Variants in NEK9 observed in about 807,000 individuals in gnomAD.
NEK9 encodes the protein serine/threonine-protein kinase Nek9.
Under a neutral mutation model 123.4 loss-of-function variants are expected in NEK9, and 75 were observed. The ratio of observed to expected loss-of-function variants is 0.61; its 90% CI spans 0.50 to 0.74. The LOEUF (loss-of-function observed/expected upper bound fraction) is 0.74, where lower values mean the gene tolerates loss of function less well. NEK9 is among the 30% of genes least tolerant of loss of function. NEK9 has a pLI of 0.00. For synonymous variants in NEK9, 438 were observed against 458.7 expected, an observed-to-expected ratio of 0.95 and a Z score of 0.58; for missense variants, 952 against 1,214.4, an observed-to-expected ratio of 0.78 and a Z score of 3.21.
chr14:75,102,614 A>T (rs1894624179), intron 14 of NEK9, among the ~76,000 whole-genome samples: 1 of 152,098 alleles, frequency 6.6e-6, no homozygotes, highest in Admixed American at 6.6e-5. Flanking sequence ...AGCCTCCCAA[A>T]GTTCCGGGAT....
rs544667418 is a variant in NEK9, at chr14:75,102,334, GT to G, written c.1732-570del. 1.7e-3 allele frequency among the ~76,000 whole-genome samples: 265 copies of G among 151,874 alleles called. 2 individuals carry two copies. The highest frequency in any genetic ancestry group is 6.0e-3 in the African/African-American group (249 of 41,428). ...TCAAGTAATAGTAATTCTGAATATT[GT>G]TTTTTTTGTTTTTTTATTTTGTTTT... On this transcript the variant is annotated intron_variant, in intron 14 of 21. Transcript: ENST00000238616.
chr14:75,091,160 T>C, intron 19 of NEK9, 110 bp downstream of exon 19: 1 of 814,718 alleles, frequency 1.2e-6, no homozygotes, highest in South Asian at 2.3e-5. Flanking sequence ...GGATTCAGGA[T>C]GCACAACAGT....
intron 4 of NEK9, 57 bp downstream of exon 4, chr14:75,120,453 A>C: frequency 1.6e-6 from 2 of 1,239,042 alleles, no homozygotes; most frequent in Non-Finnish European, 1.2e-6. Context: ...GGGGGTATCC[A>C]CGGTAGGGGC....
At chr14:75,107,600 C>G in intron 10 of NEK9, 113 bp from the exon 11 acceptor site, 1 of 831,544 alleles carries the variant, frequency 1.2e-6, no homozygotes, top group Non-Finnish European at 1.7e-6. Flanking sequence ...AACTCCTGGG[C>G]TCAAGTGATC....
intron 16 of NEK9, 103 bp from the exon 17 acceptor site, chr14:75,097,373 T>G: frequency 1.0e-6 from 1 of 954,014 alleles, no homozygotes; most frequent in East Asian, 2.7e-5. Context: ...CTTCCCACTA[T>G]GTACTAAACA....
At chr14:75,093,521 G>A (rs1374525386) in intron 18 of NEK9, among the ~76,000 whole-genome samples, 2 of 152,132 alleles carry the variant, frequency 1.3e-5, no homozygotes, top group East Asian at 1.9e-4. Flanking sequence ...TGGCGCAATC[G>A]TGGCTCACTG....
Position 75,091,279 on chromosome 14 carries a change from C to T in NEK9, c.2433G>A (p.Trp811Ter). 2 of 1,606,298 alleles carry T rather than the reference C, an allele frequency of 1.2e-6. No individual in the cohort carries two copies. The highest frequency in any genetic ancestry group is 8.5e-7 in the Non-Finnish European group (1 of 1,177,354). Residue 811 changes from tryptophan (W) to a stop codon, truncating the protein, a stop_gained, in exon 19 of 22, where the codon TGG (tryptophan) becomes TGA (stop). Coordinates refer to ENST00000238616, the MANE Select transcript of NEK9 (RefSeq NM_033116.6). LOFTEE classifies it high-confidence loss of function. ...SNGASSSCPG[W>*]LRKELENAEF... is the part of the protein sequence containing the mutation. ...CTTCCAAAGGAATTACCTTTCGAAG[C>T]CAGCCAGGACAGGAGCTGCTGGCCC...
intron 1 of NEK9, among the ~76,000 whole-genome samples, chr14:75,125,751 T>A (rs1895501962): frequency 1.3e-5 from 2 of 152,342 alleles, no homozygotes; most frequent in Middle Eastern, 3.4e-3. Context: ...TCCTTCTCCA[T>A]CTTTCAGCCT....
intron 14 of NEK9, 78 bp from the exon 15 acceptor site, chr14:75,101,843 T>G: frequency 9.6e-7 from 1 of 1,043,194 alleles, no homozygotes. Flanking sequence ...TGGAAAAAAG[T>G]CCTGGTGACC....
chr14:75,101,346 G>A (rs189966040), intron 15 of NEK9, among the ~76,000 whole-genome samples, 193 bp from the exon 16 acceptor site: 14 of 152,242 alleles, frequency 9.2e-5, no homozygotes, highest in African/African-American at 1.7e-4. Context: ...TCAGCGACTC[G>A]ATATTGTATT....
intron 14 of NEK9, among the ~76,000 whole-genome samples, chr14:75,102,524 T>TC (rs1894620160): frequency 6.6e-6 from 1 of 151,092 alleles, no homozygotes; most frequent in Admixed American, 6.6e-5. Flanking sequence ...TTTTTTTTTT[T>TC]GGTATTTTTA....
chr14:75,115,017 A>T (rs755304019), intron 6 of NEK9, among the ~76,000 whole-genome samples: 19 of 151,006 alleles, frequency 1.3e-4, no homozygotes, highest in Non-Finnish European at 2.2e-4. Flanking sequence ...ATACACACAC[A>T]TATATGTGTA....
Position 75,091,263 on chromosome 14 carries a change from GA to G in NEK9, c.2442+6del. On this transcript the variant is annotated splice_donor_region_variant and intron_variant, in intron 19 of 21. Coordinates refer to ENST00000238616, the MANE Select transcript of NEK9 (RefSeq NM_033116.6). ...TTTATCCAAGTTACTTCTTCCAAAG[GA>G]ATTACCTTTCGAAGCCAGCCAGGAC... 1.2e-6 allele frequency: 2 copies of G among 1,603,316 alleles called. No homozygotes were observed. Among genetic ancestry groups the G allele is most frequent in the African/African-American group, 1.3e-5 (1 of 74,274 alleles).
intron 14 of NEK9, 89 bp from the exon 15 acceptor site, chr14:75,101,854 A>C: frequency 1.1e-6 from 1 of 872,102 alleles, no homozygotes; most frequent in South Asian, 1.5e-5. Context: ...CCTGGTGACC[A>C]AAAGGCCTTT....
intron 2 of NEK9, 127 bp downstream of exon 2, chr14:75,123,919 T>C: frequency 1.2e-6 from 1 of 812,346 alleles, no homozygotes; most frequent in East Asian, 2.6e-5. Flanking sequence ...GAAAAGTTTC[T>C]CTTAAACTCT....
chr14:75,105,377 A>G (rs868326242), intron 13 of NEK9, among the ~76,000 whole-genome samples: 1 of 151,816 alleles, frequency 6.6e-6, no homozygotes, highest in South Asian at 2.1e-4. Context: ...GATTTAGCCA[A>G]CCCTCCAATG....
intron 16 of NEK9, among the ~76,000 whole-genome samples, chr14:75,098,037 GTAGTTATT>G (rs924327218): frequency 1.1e-4 from 16 of 152,228 alleles, no homozygotes; most frequent in African/African-American, 3.9e-4. Flanking sequence ...GTTTTGAGCA[GTAGTTATT>G]TAAGAGAATC....
At chr14:75,095,487 G>A (rs1894353331) in intron 17 of NEK9, 56 bp from the exon 18 acceptor site, 3 of 1,151,350 alleles carry the variant, frequency 2.6e-6, no homozygotes, top group East Asian at 2.3e-5. Context: ...CAAGAAAAAT[G>A]AGAGAAGACT....
At chr14:75,107,195 AT>A (rs1894806571) in intron 11 of NEK9, 147 bp downstream of exon 11, 4 of 743,972 alleles carry the variant, frequency 5.4e-6, no homozygotes, top group Admixed American at 6.7e-5. Flanking sequence ...CAAATTTGGT[AT>A]GTTATTATTA....
Sources: allele counts gnomAD v4.1 joint callset (sites outside exome capture counted in the v4.1 genomes callset), GRCh38; gene constraint gnomAD v4.1.1; transcripts MANE v1.5; gene names NCBI Gene and HGNC (gene_info 2026-07-23, HGNC 2026-07-21).